Variants in EYA3 observed in about 807,000 individuals in gnomAD.
The protein encoded by EYA3 is EYA transcriptional coactivator and phosphatase 3, also known as protein phosphatase EYA3.
A neutral mutation model predicts 80.0 loss-of-function variants in EYA3; 39 were observed. The observed-to-expected ratio is 0.49, with a 90% CI of 0.38 to 0.64. The LOEUF (loss-of-function observed/expected upper bound fraction) is 0.64, where lower values mean the gene tolerates loss of function less well. Among genes scored for constraint, EYA3 ranks in the 30% least tolerant of loss-of-function variants. The pLI, the probability that EYA3 is intolerant of heterozygous loss-of-function variation, is 0.00. For synonymous variants in EYA3, 206 were observed against 232.8 expected, an observed-to-expected ratio of 0.88 and a Z score of 1.05; for missense variants, 523 against 676.1, an observed-to-expected ratio of 0.77 and a Z score of 2.51.
At chr1:28,076,508 C>T (rs1331219929) in intron 1 of EYA3, among the ~76,000 whole-genome samples, 1 of 151,594 alleles carries the variant, frequency 6.6e-6, no homozygotes, top group Non-Finnish European at 1.5e-5. Context: ...GTCAGGAGTT[C>T]AAGACCAGCC....
chr1:28,007,225 C>G (rs1433213458), intron 10 of EYA3, among the ~76,000 whole-genome samples: 1 of 151,930 alleles, frequency 6.6e-6, no homozygotes, highest in Non-Finnish European at 1.5e-5. Context: ...GAGGCGTGAG[C>G]CACTGTCCCT....
intron 1 of EYA3, among the ~76,000 whole-genome samples, chr1:28,084,057 G>A (rs1645526418): frequency 6.6e-6 from 1 of 152,136 alleles, no homozygotes; most frequent in Non-Finnish European, 1.5e-5. Flanking sequence ...AGATCTTCAC[G>A]ATATTAAGCA....
At chr1:27,982,845 G>A (rs920002953) in intron 16 of EYA3, among the ~76,000 whole-genome samples, 1 of 152,152 alleles carries the variant, frequency 6.6e-6, no homozygotes, top group African/African-American at 2.4e-5. Context: ...GATTACAGGC[G>A]TGAGCCACCG....
intron 6 of EYA3, among the ~76,000 whole-genome samples, chr1:28,034,853 A>G (rs1473318394): frequency 1.3e-5 from 2 of 152,108 alleles, no homozygotes; most frequent in East Asian, 1.9e-4. Flanking sequence ...ATTTTCTGGC[A>G]CCCATTTCAG....
At position 28,009,070 on chromosome 1, in the gene EYA3, A is replaced by G. The variant is rs12140070; in HGVS notation, c.909+1877T>C. ...AGTATAAAACCGTGCAGCCACAATG[A>G]AAAATAGTTTGGTGGTTTCTCAAAA... On this transcript the variant is annotated intron_variant, in intron 10 of 17. Transcript: ENST00000373871. This position sits in a 1 kb window ranked among gnomAD's most constrained non-coding sequence, Gnocchi z 4.8. Among the ~76,000 whole-genome samples the G allele has an allele frequency of 0.34, 51,037 of 152,076 alleles. 8,723 individuals are homozygous for G. The highest frequency in any genetic ancestry group is 0.5 in the East Asian group (2,600 of 5,174).
chr1:28,008,326 G>A (rs1641445623), intron 10 of EYA3, among the ~76,000 whole-genome samples: 3 of 151,720 alleles, frequency 2.0e-5, no homozygotes, highest in South Asian at 4.2e-4. Context: ...AGAGCTAAAC[G>A]ATGAAAATCT....
intron 1 of EYA3, among the ~76,000 whole-genome samples, chr1:28,086,263 G>A (rs1337955256): frequency 1.3e-5 from 2 of 151,552 alleles, no homozygotes; most frequent in Non-Finnish European, 2.9e-5. Context: ...TTGCCTTGTG[G>A]AGCGCAGTGA....
At chr1:28,068,093 T>A (rs1360551344) in intron 1 of EYA3, among the ~76,000 whole-genome samples, 3 of 152,128 alleles carry the variant, frequency 2.0e-5, no homozygotes, top group African/African-American at 4.8e-5. Flanking sequence ...CCCAGCACTT[T>A]GGGAGGCTGA....
At chr1:28,062,775 C>T (rs532287770) in intron 1 of EYA3, among the ~76,000 whole-genome samples, 2 of 151,518 alleles carry the variant, frequency 1.3e-5, no homozygotes, top group East Asian at 1.9e-4. Context: ...CCAAAGCAGG[C>T]GGATCACTTG....
At chr1:28,066,296 C>T (rs1021823787) in intron 1 of EYA3, among the ~76,000 whole-genome samples, 3 of 151,772 alleles carry the variant, frequency 2.0e-5, no homozygotes, top group African/African-American at 4.8e-5. Context: ...TAACTAAAAC[C>T]GCCAAAAGCA....
intron 11 of EYA3, among the ~76,000 whole-genome samples, chr1:28,003,701 C>T (rs909662977): frequency 2.6e-5 from 4 of 152,106 alleles, no homozygotes; most frequent in African/African-American, 9.7e-5. Flanking sequence ...TGCCACTGCA[C>T]CTGGCTGGGG....
At chr1:27,975,362 G>A (rs1263534273) in intron 17 of EYA3, among the ~76,000 whole-genome samples, 2 of 151,758 alleles carry the variant, frequency 1.3e-5, no homozygotes, top group East Asian at 3.9e-4. Context: ...TTTATTTTTT[G>A]TAGAGATGAA....
chr1:28,004,471 G>T (rs1641128152), intron 10 of EYA3, 52 bp from the exon 11 acceptor site: 1 of 1,311,072 alleles, frequency 7.6e-7, no homozygotes, highest in South Asian at 1.3e-5. Context: ...ACAATGGAAT[G>T]AAACCAGAAA....
chr1:27,987,717 C>T (rs899361482), intron 16 of EYA3, among the ~76,000 whole-genome samples: 3 of 152,116 alleles, frequency 2.0e-5, no homozygotes, highest in Non-Finnish European at 4.4e-5. Flanking sequence ...GACGGAGTCT[C>T]GCTCTGTCAC....
intron 1 of EYA3, among the ~76,000 whole-genome samples, chr1:28,082,476 A>G (rs1460868492): frequency 6.6e-6 from 1 of 152,140 alleles, no homozygotes; most frequent in Non-Finnish European, 1.5e-5. Flanking sequence ...TTGTTTGTGA[A>G]AGTTCCCCTC....
chr1:28,002,709 G>A (rs1231728126), intron 11 of EYA3, among the ~76,000 whole-genome samples: 5 of 152,070 alleles, frequency 3.3e-5, no homozygotes, highest in Non-Finnish European at 7.4e-5. Flanking sequence ...ATACCTGGAG[G>A]ACTGAGGCAG....
At chr1:28,020,799 T>C (rs1442690524) in intron 7 of EYA3, among the ~76,000 whole-genome samples, 3 of 149,218 alleles carry the variant, frequency 2.0e-5, no homozygotes, top group African/African-American at 5.0e-5. Flanking sequence ...ATTTAGAGAA[T>C]CAAATAAAAC....
chr1:27,971,991 A>G lies in EYA3; in HGVS notation c.*2475T>C, dbSNP rs563641248. ...CCAAGTTCAAGTTCCTTTTGGAAAG[A>G]GCTAAGCTAGGAAGTCAGAGTAAGA... On this transcript the variant is annotated 3_prime_UTR_variant, in exon 18 of 18. Coordinates refer to ENST00000373871, the MANE Select transcript of EYA3 (RefSeq NM_001990.4). 36 of 152,348 alleles carry G rather than the reference A, an allele frequency of 2.4e-4. No homozygotes were observed. Among genetic ancestry groups the G allele is most frequent in the Admixed American group, 1.1e-3 (17 of 15,308 alleles). The allele number at this position is 152,348 out of a possible 1,614,324, so 9.4% of individuals were successfully genotyped here.
chr1:28,071,223 C>T (rs1418086575), intron 1 of EYA3, among the ~76,000 whole-genome samples: 1 of 152,164 alleles, frequency 6.6e-6, no homozygotes, highest in Non-Finnish European at 1.5e-5. Context: ...TACGCCTAGC[C>T]TCACCATACT....
Sources: gnomAD v4.1 joint callset for allele counts (sites outside exome capture counted in the v4.1 genomes callset) on GRCh38, gnomAD v4.1.1 for gene constraint, Gnocchi (gnomAD v3.1) non-coding constraint, MANE v1.5 for transcripts, NCBI Gene and HGNC (gene_info 2026-07-23, HGNC 2026-07-21) for gene names.